AMD1: variants seen among roughly 807,000 people sequenced by gnomAD.
AMD1 encodes adenosylmethionine decarboxylase 1.
AMD1 carries 11 observed loss-of-function variants against 40.2 expected under a neutral mutation model. That is an observed-to-expected ratio of 0.27 (90% CI 0.17 to 0.45). AMD1 has a LOEUF of 0.45. AMD1 is among the 20% of genes least tolerant of loss of function. The pLI, the probability that AMD1 is intolerant of heterozygous loss-of-function variation, is 1.00. For missense variants in AMD1, 257 were observed against 410.2 expected, an observed-to-expected ratio of 0.63 and a Z score of 3.23; for synonymous variants, 121 against 130.8, an observed-to-expected ratio of 0.93 and a Z score of 0.51.
the AMD1 span, among the ~76,000 whole-genome samples, chr6:110,861,226 C>T: frequency 5.3e-5 from 8 of 151,790 alleles, no homozygotes; most frequent in Non-Finnish European, 8.8e-5. Flanking sequence ...GGCGTAGTGG[C>T]GGGCGCCTGT....
At chr6:110,831,309 G>C in the AMD1 span, among the ~76,000 whole-genome samples, 35 of 151,824 alleles carry the variant, frequency 2.3e-4, no homozygotes, top group East Asian at 1.6e-3. Flanking sequence ...CGTGGTGGCA[G>C]GCACCTGTAA....
chr6:110,841,129 T>G, the AMD1 span, among the ~76,000 whole-genome samples: 1 of 152,218 alleles, frequency 6.6e-6, no homozygotes, highest in Non-Finnish European at 1.5e-5. Context: ...TTCTCCTACC[T>G]TAGCCTCCCA....
chr6:110,839,572 G>A, the AMD1 span, among the ~76,000 whole-genome samples: 6 of 152,168 alleles, frequency 3.9e-5, no homozygotes, highest in African/African-American at 1.4e-4. Context: ...AGTCAGTCGA[G>A]ATCATGCCAC....
chr6:110,875,023 G>A lies in AMD1; in HGVS notation c.-83G>A, dbSNP rs1402846071. ...TTTAGTAACACAGCTGGAACAATCCGCAGCGGCGGCGGCAGCGGCGGGAGA... is the reference window on the plus strand; with the variant it reads ...TTTAGTAACACAGCTGGAACAATCCACAGCGGCGGCGGCAGCGGCGGGAGA... On this transcript the variant is annotated 5_prime_UTR_variant, in exon 1 of 9. Transcript: ENST00000368885. 5.6e-6 allele frequency: 6 copies of A among 1,064,634 alleles called. No homozygotes were observed. The highest frequency in any genetic ancestry group is 2.0e-5 in the Admixed American group (1 of 49,446). 65.9% of individuals were successfully genotyped at this position (1,064,634 alleles called of 1,614,324 possible).
the AMD1 span, among the ~76,000 whole-genome samples, chr6:110,817,919 A>G: frequency 6.6e-6 from 1 of 152,204 alleles, no homozygotes. Context: ...CTTTACTTGA[A>G]GGACAAGTCG....
intron 1 of AMD1, among the ~76,000 whole-genome samples, chr6:110,885,781 A>C (rs1004465943): frequency 1.1e-4 from 16 of 152,326 alleles, no homozygotes; most frequent in Middle Eastern, 3.4e-3. Flanking sequence ...AGCCTTTCAC[A>C]TTAAAGATTT....
chr6:110,852,570 C>T, the AMD1 span, among the ~76,000 whole-genome samples: 1 of 152,028 alleles, frequency 6.6e-6, no homozygotes, highest in Non-Finnish European at 1.5e-5. Flanking sequence ...ACTTCCTGGT[C>T]ACCTCCTTCA....
At chr6:110,828,747 G>A in the AMD1 span, among the ~76,000 whole-genome samples, 4 of 152,128 alleles carry the variant, frequency 2.6e-5, no homozygotes, top group Admixed American at 6.6e-5. Context: ...TCTAGATCAG[G>A]GAAATTTACT....
the AMD1 span, among the ~76,000 whole-genome samples, chr6:110,853,677 G>A: frequency 5.3e-5 from 8 of 152,098 alleles, no homozygotes; most frequent in African/African-American, 1.9e-4. Flanking sequence ...CTCATCTCAA[G>A]CGATCCTCTC....
At chr6:110,891,888 A>G in intron 4 of AMD1, 1 of 446,452 alleles carries the variant, frequency 2.2e-6, no homozygotes, top group Non-Finnish European at 4.1e-6. Flanking sequence ...GATTATAGGC[A>G]TGTGCCAACA....
At chr6:110,848,820 C>T in the AMD1 span, 200 of 209,830 alleles carry the variant, frequency 9.5e-4, 1 homozygote, top group African/African-American at 4.3e-3. Flanking sequence ...TGGGCAAGAA[C>T]GTAACAAACA....
Position 110,895,051 on chromosome 6 carries a change from G to GA in AMD1, c.*1436dup, listed in dbSNP as rs1195826247. The GA allele has an allele frequency of 1.9e-4, 29 of 152,324 alleles. No homozygotes were observed. The highest frequency in any genetic ancestry group is 6.3e-4 in the African/African-American group (26 of 41,574). The allele number at this position is 152,324 out of a possible 1,614,324, so 9.4% of individuals were successfully genotyped here. On this transcript the variant is annotated 3_prime_UTR_variant, in exon 9 of 9. Transcript: ENST00000368885. ...TTGGTACCTTTTAGCTATATTTGCA[G>GA]ATTCTCTGGGATTTTAAGGAACTGA...
chr6:110,822,905 C>T, the AMD1 span, among the ~76,000 whole-genome samples: 2 of 151,944 alleles, frequency 1.3e-5, no homozygotes, highest in African/African-American at 2.4e-5. Flanking sequence ...ACCTGGAGGT[C>T]GGGAGTTCAA....
At chr6:110,847,063 G>GTGTGTGGTGT in the AMD1 span, among the ~76,000 whole-genome samples, 198 of 143,272 alleles carry the variant, frequency 1.4e-3, no homozygotes, top group East Asian at 0.019. Flanking sequence ...GTGTGTGTGT[G>GTGTGTGGTGT]GTGTGTGTGT....
the AMD1 span, among the ~76,000 whole-genome samples, chr6:110,862,826 C>T: frequency 6.6e-6 from 1 of 152,150 alleles, no homozygotes; most frequent in Non-Finnish European, 1.5e-5. Context: ...CCTCAAATAT[C>T]TGACATTAGT....
At chr6:110,832,386 A>G in the AMD1 span, among the ~76,000 whole-genome samples, 1 of 151,584 alleles carries the variant, frequency 6.6e-6, no homozygotes, top group Non-Finnish European at 1.5e-5. Flanking sequence ...CCTGGACTCA[A>G]GTAATCCTCC....
chr6:110,868,393 C>T, the AMD1 span, among the ~76,000 whole-genome samples: 2 of 152,132 alleles, frequency 1.3e-5, no homozygotes, highest in African/African-American at 4.8e-5. Flanking sequence ...TCATGATCTG[C>T]CTGCCTTGGA....
chr6:110,875,065 T>C lies in AMD1; in HGVS notation c.-41T>C, dbSNP rs1361441521. ...GGCGGGAGAAGAGGTTTAATTTAGTTGATTTTCTGTGGTTGTTGGTTGTTC... is the reference window on the plus strand; with the variant it reads ...GGCGGGAGAAGAGGTTTAATTTAGTCGATTTTCTGTGGTTGTTGGTTGTTC... On this transcript the variant is annotated 5_prime_UTR_variant, in exon 1 of 9. Transcript: ENST00000368885. 2.6e-6 allele frequency: 4 copies of C among 1,517,876 alleles called. No homozygotes were observed. In the African/African-American group the frequency reaches 4.1e-5, roughly 16 times the overall value. The allele number at this position is 1,517,876 out of a possible 1,614,324, so 94.0% of individuals were successfully genotyped here. A position where few individuals can be genotyped will look rare whatever the true frequency, so the allele number is the denominator to read the frequency against.
intron 1 of AMD1, among the ~76,000 whole-genome samples, chr6:110,880,304 C>T (rs1371118022): frequency 6.6e-6 from 1 of 152,030 alleles, no homozygotes; most frequent in Non-Finnish European, 1.5e-5. Context: ...AGGTGACTTG[C>T]AAGTATTTTA....
Sources: gnomAD v4.1 joint callset for allele counts (sites outside exome capture counted in the v4.1 genomes callset) on GRCh38, gnomAD v4.1.1 for gene constraint, MANE v1.5 for transcripts, NCBI Gene and HGNC (gene_info 2026-07-23, HGNC 2026-07-21) for gene names.